Variants in OXR1 observed in about 807,000 individuals in gnomAD.
OXR1 encodes the protein oxidation resistance protein 1.
OXR1 carries 41 observed loss-of-function variants against 104.6 expected under a neutral mutation model. The observed-to-expected ratio is 0.39, with a 90% confidence interval of 0.31 to 0.51. The LOEUF (loss-of-function observed/expected upper bound fraction) is 0.51, where lower values mean the gene tolerates loss of function less well. Ranked by LOEUF, OXR1 falls within the 20% of genes least tolerant of loss-of-function variation. The probability of loss-of-function intolerance (pLI) is 0.77; values close to 1 mark genes in which losing one functional copy is unlikely to be tolerated. For missense variants in OXR1, 955 were observed against 1,031.9 expected, an observed-to-expected ratio of 0.93 and a Z score of 1.02; for synonymous variants, 348 against 348.4, an observed-to-expected ratio of 1.00 and a Z score of 0.01.
intron 1 of OXR1, among the ~76,000 whole-genome samples, chr8:106,299,155 A>G (rs1412174818): frequency 6.6e-6 from 1 of 151,960 alleles, no homozygotes; most frequent in Non-Finnish European, 1.5e-5. Flanking sequence ...GATTAACTGC[A>G]CCTCTCCTTT....
chr8:106,365,258 A>G (rs573228741), intron 2 of OXR1, among the ~76,000 whole-genome samples: 2 of 152,306 alleles, frequency 1.3e-5, no homozygotes, highest in East Asian at 3.9e-4. Context: ...TGGTAAGTTC[A>G]TGTTGAATGA....
chr8:106,392,808 A>T (rs1160429962), intron 2 of OXR1, among the ~76,000 whole-genome samples: 3 of 152,204 alleles, frequency 2.0e-5, no homozygotes, highest in Non-Finnish European at 4.4e-5. Context: ...CAGTAAATAT[A>T]GCTATGATAT....
chr8:106,601,142 A>G (rs745611151), intron 3 of OXR1, among the ~76,000 whole-genome samples: 1 of 152,198 alleles, frequency 6.6e-6, no homozygotes, highest in Non-Finnish European at 1.5e-5. Flanking sequence ...CACTGTTTGC[A>G]AAGTGAGAAC....
chr8:106,450,358 A>C (rs1820244409), intron 2 of OXR1, among the ~76,000 whole-genome samples: 1 of 152,096 alleles, frequency 6.6e-6, no homozygotes, highest in South Asian at 2.1e-4. Context: ...TCCGTGTGCT[A>C]TTTTCAGTTT....
intron 11 of OXR1, among the ~76,000 whole-genome samples, chr8:106,726,873 T>G (rs1346904171): frequency 6.6e-6 from 1 of 152,210 alleles, no homozygotes; most frequent in Non-Finnish European, 1.5e-5. Context: ...TTTCTGTACG[T>G]GTACATTGTT....
chr8:106,484,205 G>A (rs1479941645), intron 2 of OXR1, among the ~76,000 whole-genome samples: 1 of 151,702 alleles, frequency 6.6e-6, no homozygotes, highest in Non-Finnish European at 1.5e-5. Context: ...TCCAAGATAT[G>A]CAAAATGCTC....
chr8:106,286,871 A>G lies in OXR1; in HGVS notation c.-139+16504A>G, dbSNP rs116198647. 3.3e-3 allele frequency among the ~76,000 whole-genome samples: 509 copies of G among 152,334 alleles called. 5 individuals carry two copies. The highest frequency in any genetic ancestry group is 0.012 in the African/African-American group (480 of 41,578). On this transcript the variant is annotated intron_variant, in intron 1 of 16. Transcript: ENST00000517566. ...TAACAAGATTAGAGGGACAATCAGT[A>G]AAAATAATAAAAGACAAATTATCTT... is the stretch of plus-strand genomic sequence containing the variant.
chr8:106,667,291 G>A (rs1331646620), intron 3 of OXR1, among the ~76,000 whole-genome samples: 1 of 152,196 alleles, frequency 6.6e-6, no homozygotes, highest in Non-Finnish European at 1.5e-5. Context: ...GACTTAGGAT[G>A]TGAAGGACTC....
chr8:106,564,271 A>G (rs568971803), intron 3 of OXR1, among the ~76,000 whole-genome samples: 1 of 152,278 alleles, frequency 6.6e-6, no homozygotes, highest in African/African-American at 2.4e-5. Flanking sequence ...GAATAATCAA[A>G]TAGACACAAT....
chr8:106,526,709 AT>A (rs569981644), intron 3 of OXR1, among the ~76,000 whole-genome samples: 10 of 152,066 alleles, frequency 6.6e-5, no homozygotes, highest in South Asian at 4.2e-4. Flanking sequence ...CGCCCGGCTA[AT>A]TTTTTTGTAT....
intron 1 of OXR1, among the ~76,000 whole-genome samples, chr8:106,313,613 A>G (rs185104348): frequency 6.9e-6 from 1 of 144,440 alleles, no homozygotes; most frequent in East Asian, 2.0e-4. Context: ...ATGAGGAAGA[A>G]CCTACCAATC....
At chr8:106,661,153 G>C (rs1390066385) in intron 3 of OXR1, among the ~76,000 whole-genome samples, 1 of 152,142 alleles carries the variant, frequency 6.6e-6, no homozygotes, top group East Asian at 1.9e-4. Context: ...ACTCCAGCCT[G>C]GGTGACAGAG....
At chr8:106,280,381 G>A (rs1308780948) in intron 1 of OXR1, among the ~76,000 whole-genome samples, 5 of 152,178 alleles carry the variant, frequency 3.3e-5, no homozygotes, top group African/African-American at 1.2e-4. Flanking sequence ...TCGGGCTTTG[G>A]AGGCTGTATG....
chr8:106,680,960 C>T (rs536655295), intron 4 of OXR1, among the ~76,000 whole-genome samples: 2 of 152,278 alleles, frequency 1.3e-5, no homozygotes, highest in East Asian at 3.9e-4. Flanking sequence ...ACTGCTGTCA[C>T]CACAACTCCA....
chr8:106,578,722 A>T (rs965005984), intron 3 of OXR1, among the ~76,000 whole-genome samples: 3 of 152,222 alleles, frequency 2.0e-5, no homozygotes, highest in Non-Finnish European at 4.4e-5. Flanking sequence ...TTAATTTGTA[A>T]AATAGATTAA....
intron 2 of OXR1, among the ~76,000 whole-genome samples, chr8:106,412,699 T>G (rs186945090): frequency 6.6e-6 from 1 of 152,176 alleles, no homozygotes; most frequent in Admixed American, 6.6e-5. Flanking sequence ...TAATTTTTAT[T>G]GGCTGCGAGC....
chr8:106,342,797 G>T (rs1215265093), intron 1 of OXR1, among the ~76,000 whole-genome samples: 4 of 152,134 alleles, frequency 2.6e-5, no homozygotes, highest in African/African-American at 9.7e-5. Context: ...CAAATTCTAT[G>T]AATCAAATTC....
At chr8:106,722,352 T>C (rs1301477125) in intron 11 of OXR1, among the ~76,000 whole-genome samples, 1 of 152,050 alleles carries the variant, frequency 6.6e-6, no homozygotes, top group Non-Finnish European at 1.5e-5. Flanking sequence ...TTAATACTGA[T>C]CGAATAATCA....
At chr8:106,319,136 T>C (rs2130170892) in intron 1 of OXR1, among the ~76,000 whole-genome samples, 1 of 152,362 alleles carries the variant, frequency 6.6e-6, no homozygotes, top group South Asian at 2.1e-4. Flanking sequence ...CATACCATTT[T>C]CTTCAAACTG....
Sources: allele counts gnomAD v4.1 joint callset (sites outside exome capture counted in the v4.1 genomes callset), GRCh38; gene constraint gnomAD v4.1.1; transcripts MANE v1.5; gene names NCBI Gene and HGNC (gene_info 2026-07-23, HGNC 2026-07-21).